Variants in KLHL29 observed in about 807,000 individuals in gnomAD.
KLHL29 encodes the protein kelch like family member 29.
A neutral mutation model predicts 80.4 loss-of-function variants in KLHL29; 21 were observed. The ratio of observed to expected loss-of-function variants is 0.26; its 90% CI spans 0.19 to 0.38. KLHL29 has a LOEUF of 0.38. Ranked by LOEUF, KLHL29 falls within the 10% of genes least tolerant of loss-of-function variation. The probability of loss-of-function intolerance (pLI) is 1.00; values close to 1 mark genes in which losing one functional copy is unlikely to be tolerated. For synonymous variants in KLHL29, 511 were observed against 526.8 expected (o/e 0.97, Z 0.41); for missense variants, 867 against 1,223.9 (o/e 0.71, Z 4.35).
At chr2:23,650,141 T>C (rs985142593) in intron 5 of KLHL29, among the ~76,000 whole-genome samples, 1 of 151,900 alleles carries the variant, frequency 6.6e-6, no homozygotes, top group Non-Finnish European at 1.5e-5. Flanking sequence ...GGGAGAGAGG[T>C]GCAAGTCTGC....
intron 3 of KLHL29, among the ~76,000 whole-genome samples, chr2:23,633,792 T>TGTGTGTGTGTGTGTG (rs1190935622): frequency 5.3e-5 from 8 of 151,798 alleles, no homozygotes; most frequent in South Asian, 2.1e-4. Flanking sequence ...TGTGTGTGTG[T>TGTGTGTGTGTGTGTG]TTAATTTGAC....
In KLHL29 at chr2:23,464,853, T is replaced by G. The variant is rs547165889; in HGVS notation, c.-153-10707T>G. 5.9e-5 allele frequency among the ~76,000 whole-genome samples: 9 copies of G among 152,276 alleles called. 1 individual carries two copies. In the East Asian group the frequency reaches 1.7e-3, roughly 29 times the overall value. On this transcript the variant is annotated intron_variant, in intron 1 of 13. Coordinates refer to ENST00000486442, the MANE Select transcript of KLHL29 (RefSeq NM_052920.2). ...CACCTCTTCTCTTAATTATTATTACTCCATTCAAGTGAGACAAGATGATTT... is the reference window on the plus strand; with the variant it reads ...CACCTCTTCTCTTAATTATTATTACGCCATTCAAGTGAGACAAGATGATTT...
At chr2:23,545,893 C>T (rs553425022) in intron 2 of KLHL29, among the ~76,000 whole-genome samples, 2 of 152,366 alleles carry the variant, frequency 1.3e-5, no homozygotes, top group Non-Finnish European at 2.9e-5. Context: ...TTCCTCCCGC[C>T]TCATCCAAGG....
chr2:23,610,176 A>G (rs1668823799), intron 3 of KLHL29, among the ~76,000 whole-genome samples: 2 of 152,066 alleles, frequency 1.3e-5, no homozygotes, highest in African/African-American at 4.8e-5. Context: ...GTAGTCAGGG[A>G]CTGTCTTGGG....
intron 5 of KLHL29, among the ~76,000 whole-genome samples, chr2:23,676,187 GTT>G (rs1553354210): frequency 6.8e-6 from 1 of 146,668 alleles, no homozygotes; most frequent in African/African-American, 2.5e-5. Context: ...TGGGTTTTTT[GTT>G]TTTTTTTTTT....
chr2:23,595,885 C>T (rs923048804), intron 3 of KLHL29, among the ~76,000 whole-genome samples: 1 of 152,212 alleles, frequency 6.6e-6, no homozygotes, highest in African/African-American at 2.4e-5. Flanking sequence ...GCAGCATGCC[C>T]CTTCCAGACA....
At chr2:23,483,151 A>G (rs528536315) in intron 2 of KLHL29, among the ~76,000 whole-genome samples, 7 of 152,312 alleles carry the variant, frequency 4.6e-5, no homozygotes, top group African/African-American at 1.4e-4. Context: ...TATCACAGTG[A>G]CCATATGAGA....
intron 1 of KLHL29, among the ~76,000 whole-genome samples, chr2:23,461,859 T>C (rs1194306141): frequency 1.3e-5 from 2 of 151,952 alleles, no homozygotes; most frequent in African/African-American, 2.4e-5. Flanking sequence ...TGCTCTGCAT[T>C]AGGAGCCCTA....
At chr2:23,660,817 G>A (rs112272654) in intron 5 of KLHL29, among the ~76,000 whole-genome samples, 4,856 of 152,240 alleles carry the variant, frequency 0.032, 97 homozygotes, top group Non-Finnish European at 0.05. Flanking sequence ...CCTGAGATCA[G>A]GAGTTCAAGG....
At chr2:23,513,687 C>T (rs1275062369) in intron 2 of KLHL29, among the ~76,000 whole-genome samples, 2 of 152,178 alleles carry the variant, frequency 1.3e-5, no homozygotes, top group East Asian at 1.9e-4. Flanking sequence ...TCCCACGTCA[C>T]TCAGAGGACA....
intron 7 of KLHL29, among the ~76,000 whole-genome samples, chr2:23,692,380 G>T (rs920342082): frequency 6.6e-6 from 1 of 152,250 alleles, no homozygotes; most frequent in South Asian, 2.1e-4. Flanking sequence ...CTCCCGGGGG[G>T]GTCGCTGACC....
At chr2:23,536,896 A>T (rs1360186094) in intron 2 of KLHL29, among the ~76,000 whole-genome samples, 1 of 71,424 alleles carries the variant, frequency 1.4e-5, no homozygotes, top group African/African-American at 7.1e-5. Flanking sequence ...GATCTCACAC[A>T]CACACACACA....
At chr2:23,442,080 G>A (rs2103415532) in intron 1 of KLHL29, among the ~76,000 whole-genome samples, 1 of 152,204 alleles carries the variant, frequency 6.6e-6, no homozygotes, top group East Asian at 1.9e-4. Context: ...TGGGCTCAGT[G>A]TAATCACCAG....
chr2:23,646,506 A>T (rs974108910), intron 5 of KLHL29, among the ~76,000 whole-genome samples: 16 of 152,242 alleles, frequency 1.1e-4, no homozygotes, highest in African/African-American at 3.6e-4. Context: ...TAGACCAGAA[A>T]GCAAAGCCCG....
At chr2:23,396,754 A>G (rs1275903246) in intron 1 of KLHL29, among the ~76,000 whole-genome samples, 2 of 152,222 alleles carry the variant, frequency 1.3e-5, no homozygotes, top group Non-Finnish European at 2.9e-5. Flanking sequence ...GATTTGCCAA[A>G]GGGAAGCACC....
At chr2:23,672,017 C>G (rs1287085743) in intron 5 of KLHL29, 1 of 152,324 alleles carries the variant, frequency 6.6e-6, no homozygotes, top group East Asian at 1.9e-4. Context: ...GGGACAGACA[C>G]ATGGATATGT....
intron 2 of KLHL29, among the ~76,000 whole-genome samples, chr2:23,486,316 A>G (rs1558356044): frequency 6.6e-6 from 1 of 151,996 alleles, no homozygotes; most frequent in Non-Finnish European, 1.5e-5. Flanking sequence ...CAGCAGCCCA[A>G]ACCTGGACAG....
chr2:23,474,501 T>A (rs1402816590), intron 1 of KLHL29, among the ~76,000 whole-genome samples: 2 of 152,222 alleles, frequency 1.3e-5, no homozygotes, highest in Admixed American at 6.5e-5. Flanking sequence ...CCTTGGCTGA[T>A]TTTGCTTCCC....
At chr2:23,654,954 T>C (rs1670203357) in intron 5 of KLHL29, among the ~76,000 whole-genome samples, 1 of 152,174 alleles carries the variant, frequency 6.6e-6, no homozygotes, top group South Asian at 2.1e-4. Context: ...TCACTAGGCA[T>C]GTCTGGGCTA....
Sources: allele counts gnomAD v4.1 joint callset (sites outside exome capture counted in the v4.1 genomes callset), GRCh38; gene constraint gnomAD v4.1.1; transcripts MANE v1.5; gene names NCBI Gene and HGNC (gene_info 2026-07-23, HGNC 2026-07-21).